Variants in GRM8 observed in about 807,000 individuals in gnomAD.
The protein encoded by GRM8 is glutamate metabotropic receptor 8.
Under a neutral mutation model 87.2 loss-of-function variants are expected in GRM8, and 47 were observed. That is an observed-to-expected ratio of 0.54 (90% CI 0.43 to 0.69). GRM8 has a LOEUF of 0.69. GRM8 is among the 30% of genes least tolerant of loss of function. The probability of loss-of-function intolerance (pLI) is 0.00; values close to 1 mark genes in which losing one functional copy is unlikely to be tolerated. For synonymous variants in GRM8, 396 were observed against 404.5 expected (o/e 0.98, Z 0.25); for missense variants, 1,019 against 1,139.2 (o/e 0.89, Z 1.52).
At chr7:127,100,784 G>GGATT (rs1459893579) in intron 3 of GRM8, among the ~76,000 whole-genome samples, 2 of 152,054 alleles carry the variant, frequency 1.3e-5, no homozygotes, top group East Asian at 3.9e-4. Context: ...TGACACACGG[G>GGATT]GATTATTATA....
intron 3 of GRM8, among the ~76,000 whole-genome samples, chr7:127,011,894 G>T (rs912546269): frequency 2.0e-5 from 3 of 152,108 alleles, no homozygotes; most frequent in African/African-American, 7.2e-5. Flanking sequence ...CCTCTCATTT[G>T]AATTACTTTG....
rs28404747 is a variant in GRM8, at chr7:127,212,717, G to T, written c.510+29978C>A. 3.2e-3 allele frequency among the ~76,000 whole-genome samples: 487 copies of T among 152,214 alleles called. 4 individuals are homozygous for T. Among genetic ancestry groups the T allele is most frequent in the African/African-American group, 0.011 (456 of 41,552 alleles). On this transcript the variant is annotated intron_variant, in intron 2 of 10. Transcript: ENST00000339582. Reference sequence around the variant, plus strand: ...CAGGCGTGAGCCACCGCGCCCGGCCGACATGGTGTTATTTTTTAACTGAGA... The same window carrying T: ...CAGGCGTGAGCCACCGCGCCCGGCCTACATGGTGTTATTTTTTAACTGAGA...
chr7:126,502,716 T>C (rs1324891335), intron 9 of GRM8, among the ~76,000 whole-genome samples: 1 of 152,062 alleles, frequency 6.6e-6, no homozygotes, highest in African/African-American at 2.4e-5. Flanking sequence ...ACCTTAATGG[T>C]TATTTAAAAC....
At chr7:126,933,489 T>C (rs1205904265) in intron 3 of GRM8, among the ~76,000 whole-genome samples, 1 of 152,218 alleles carries the variant, frequency 6.6e-6, no homozygotes, top group African/African-American at 2.4e-5. Context: ...TGTAGCCTTC[T>C]CTGAACCCAC....
intron 3 of GRM8, among the ~76,000 whole-genome samples, chr7:127,098,957 T>C (rs1261593637): frequency 6.6e-6 from 1 of 152,240 alleles, no homozygotes; most frequent in African/African-American, 2.4e-5. Context: ...TGTTCTCTCA[T>C]ATTCCTTTTA....
At chr7:126,565,658 C>G (rs1794152090) in intron 8 of GRM8, among the ~76,000 whole-genome samples, 1 of 150,972 alleles carries the variant, frequency 6.6e-6, no homozygotes, top group Non-Finnish European at 1.5e-5. Flanking sequence ...ATCAAAATCC[C>G]AAAGAAATTT....
chr7:127,083,129 A>G (rs1287655625), intron 3 of GRM8, among the ~76,000 whole-genome samples: 4 of 152,188 alleles, frequency 2.6e-5, no homozygotes, highest in African/African-American at 9.7e-5. Context: ...AAAATCAACC[A>G]TCACACTTGT....
At chr7:127,216,336 G>T (rs1662861298) in intron 2 of GRM8, among the ~76,000 whole-genome samples, 1 of 151,910 alleles carries the variant, frequency 6.6e-6, no homozygotes, top group African/African-American at 2.4e-5. Context: ...AGCCAGCACA[G>T]TGAAACCCTG....
chr7:126,844,452 C>T (rs1358643111), intron 6 of GRM8, among the ~76,000 whole-genome samples: 1 of 152,088 alleles, frequency 6.6e-6, no homozygotes, highest in Non-Finnish European at 1.5e-5. Context: ...TTCTTCTTTT[C>T]TTTAAATGTC....
At chr7:127,033,901 C>T (rs1342789274) in intron 3 of GRM8, among the ~76,000 whole-genome samples, 1 of 152,226 alleles carries the variant, frequency 6.6e-6, no homozygotes, top group Non-Finnish European at 1.5e-5. Context: ...TAAGCACTAA[C>T]TGTGCATCAC....
In GRM8 at chr7:126,532,946, A is replaced by G. The variant is rs759757191; in HGVS notation, c.2430+6T>C. On this transcript the variant is annotated splice_donor_region_variant and intron_variant, in intron 9 of 10. Coordinates refer to ENST00000339582, the MANE Select transcript of GRM8 (RefSeq NM_000845.3). Reference sequence around the variant, plus strand: ...AAAGTTGTCAAGTGTATTTCCTTCTACTTACCTTTTCTGCTGACTGGGCTG... The same window carrying G: ...AAAGTTGTCAAGTGTATTTCCTTCTGCTTACCTTTTCTGCTGACTGGGCTG... The G allele has an allele frequency of 1.9e-6, 3 of 1,575,526 alleles. No individual in the cohort carries two copies. The highest frequency in any genetic ancestry group is 1.1e-5 in the South Asian group (1 of 87,776).
chr7:126,888,764 C>T (rs1800728010), intron 6 of GRM8, among the ~76,000 whole-genome samples: 1 of 152,036 alleles, frequency 6.6e-6, no homozygotes, highest in Admixed American at 6.6e-5. Context: ...TTTCCACCTC[C>T]CACAGAAGGG....
At chr7:127,193,322 A>G (rs1795117247) in intron 2 of GRM8, among the ~76,000 whole-genome samples, 1 of 152,232 alleles carries the variant, frequency 6.6e-6, no homozygotes, top group Admixed American at 6.5e-5. Context: ...TCAATGTCCA[A>G]TCAAAGTGCT....
chr7:126,762,549 T>C (rs1373818011), intron 7 of GRM8, among the ~76,000 whole-genome samples: 1 of 152,156 alleles, frequency 6.6e-6, no homozygotes, highest in Non-Finnish European at 1.5e-5. Flanking sequence ...GGGAAAAACG[T>C]TAATTCTTTC....
At chr7:126,847,691 G>T (rs943804250) in intron 6 of GRM8, among the ~76,000 whole-genome samples, 1 of 152,168 alleles carries the variant, frequency 6.6e-6, no homozygotes, top group African/African-American at 2.4e-5. Context: ...CCAAGAGAGA[G>T]AATCAGGTGA....
At chr7:126,553,022 AG>A (rs1313984629) in intron 8 of GRM8, among the ~76,000 whole-genome samples, 1 of 152,160 alleles carries the variant, frequency 6.6e-6, no homozygotes, top group African/African-American at 2.4e-5. Flanking sequence ...AACCTAGAAC[AG>A]GGTAGGCATA....
chr7:126,894,673 G>GA (rs1367946225), intron 6 of GRM8, among the ~76,000 whole-genome samples: 2 of 151,706 alleles, frequency 1.3e-5, no homozygotes, highest in Admixed American at 6.6e-5. Flanking sequence ...AGGTGGCCAA[G>GA]AAAAAAAACA....
chr7:126,602,447 T>C (rs563379174), intron 8 of GRM8, among the ~76,000 whole-genome samples: 2 of 115,886 alleles, frequency 1.7e-5, no homozygotes, highest in African/African-American at 5.6e-5. Flanking sequence ...AACTTTAAAG[T>C]AGTTTTTTCC....
intron 2 of GRM8, among the ~76,000 whole-genome samples, chr7:127,116,322 C>T (rs1587065816): frequency 6.6e-6 from 1 of 152,144 alleles, no homozygotes; most frequent in Admixed American, 6.5e-5. Context: ...TAAACCAATA[C>T]ATACACTTCT....
Sources: gnomAD v4.1 joint callset for allele counts (sites outside exome capture counted in the v4.1 genomes callset) on GRCh38, gnomAD v4.1.1 for gene constraint, MANE v1.5 for transcripts, NCBI Gene and HGNC (gene_info 2026-07-23, HGNC 2026-07-21) for gene names.